RPL38: variants seen among roughly 807,000 people sequenced by gnomAD.
RPL38 encodes the protein large ribosomal subunit protein eL38.
RPL38 carries 2 observed loss-of-function variants against 12.8 expected under a neutral mutation model. The ratio of observed to expected loss-of-function variants is 0.16; its 90% CI spans 0.06 to 0.49. The LOEUF is 0.49. RPL38 is among the 20% of genes least tolerant of loss of function. The pLI is 0.96. For synonymous variants in RPL38, 42 were observed against 30.1 expected (o/e 1.39, Z -1.29); for missense variants, 52 against 79.8 (o/e 0.65, Z 1.33).
rs754460738 is a variant in RPL38, at chr17:74,204,153, G to A, written c.27G>A (p.Lys9=). The change falls in exon 3 of 5, where the codon AAG becomes AAA. Residue 9 remains lysine (K), a synonymous_variant. Coordinates refer to ENST00000311111, the MANE Select transcript of RPL38 (RefSeq NM_000999.4). ...AGCCTCGGAAAATTGAGGAAATCAA[G>A]GACTTCCTGCTCACAGCCCGACGAA... MPRKIEEI[K]DFLLTARRKD... The A allele has an allele frequency of 2.7e-5, 43 of 1,614,054 alleles. No homozygotes were observed. The East Asian group carries it at 9.1e-4, about 34-fold the overall frequency.
intron 3 of RPL38, among the ~76,000 whole-genome samples, chr17:74,208,670 T>C (rs1309933540): frequency 6.6e-6 from 1 of 152,198 alleles, no homozygotes; most frequent in Non-Finnish European, 1.5e-5. Context: ...GTGCGGTGGC[T>C]CATGCCTGGA....
At chr17:74,203,997 C>T (rs748412265) in intron 2 of RPL38, 39 bp downstream of exon 2, 2 of 1,612,966 alleles carry the variant, frequency 1.2e-6, no homozygotes, top group East Asian at 2.2e-5. Context: ...CCGGGGTGGG[C>T]TCGTGGGGCC....
chr17:74,207,321 G>A (rs1050066216), intron 3 of RPL38, among the ~76,000 whole-genome samples: 1 of 151,994 alleles, frequency 6.6e-6, no homozygotes, highest in African/African-American at 2.4e-5. Context: ...TTCTTTTGAA[G>A]GCCGAGTTTT....
At chr17:74,209,762 A>G (rs747010429) in intron 4 of RPL38, 42 bp from the exon 5 acceptor site, 7 of 1,590,666 alleles carry the variant, frequency 4.4e-6, no homozygotes, top group African/African-American at 2.7e-5. Flanking sequence ...AGCAACTCAG[A>G]TGTGTCTTCT....
chr17:74,206,064 G>A (rs79682457), intron 3 of RPL38: 78 of 152,296 alleles, frequency 5.1e-4, no homozygotes, highest in African/African-American at 1.7e-3. Flanking sequence ...GGCTTTAAAG[G>A]TAGTGGTCAC....
At chr17:74,208,403 C>T (rs116601184) in intron 3 of RPL38, among the ~76,000 whole-genome samples, 2,839 of 152,258 alleles carry the variant, frequency 0.019, 91 homozygotes, top group African/African-American at 0.064. Flanking sequence ...GAGCCATGAT[C>T]CTGAAATAGA....
Position 74,203,891 on chromosome 17 carries a change from G to A in RPL38, c.-38-27G>A, listed in dbSNP as rs537955131. On this transcript the variant is annotated intron_variant, in intron 1 of 4. Transcript: ENST00000311111. Reference sequence around the variant, plus strand: ...GGTTCGCTGCCAGCCCCCGCGCCGTGTTAACGCCGAGGACTGTTTCCCGCA... The same window carrying A: ...GGTTCGCTGCCAGCCCCCGCGCCGTATTAACGCCGAGGACTGTTTCCCGCA... The A allele has an allele frequency of 4.5e-6, 7 of 1,556,894 alleles. No individual in the cohort carries two copies. In the Admixed American group the frequency reaches 1.4e-4, roughly 30 times the overall value.
intron 3 of RPL38, chr17:74,205,270 G>A (rs541050586): frequency 6.6e-6 from 1 of 152,280 alleles, no homozygotes; most frequent in South Asian, 2.1e-4. Flanking sequence ...TACAAGCTAG[G>A]TCTTGAGTTA....
At chr17:74,209,378 A>G (rs1323607451) in intron 4 of RPL38, 69 bp downstream of exon 4, 37 of 1,565,986 alleles carry the variant, frequency 2.4e-5, no homozygotes, top group Non-Finnish European at 3.2e-5. Flanking sequence ...GCCATGTTGT[A>G]TCTTGTTTTG....
In RPL38 at chr17:74,204,123, G is replaced by T; in HGVS notation, c.4-7G>T. 1 of 1,614,174 alleles carries T rather than the reference G, an allele frequency of 6.2e-7. No individual in the cohort carries two copies. The highest frequency in any genetic ancestry group is 1.1e-5 in the South Asian group (1 of 91,090). On this transcript the variant is annotated splice_region_variant and splice_polypyrimidine_tract_variant and intron_variant, in intron 2 of 4. Coordinates refer to ENST00000311111, the MANE Select transcript of RPL38 (RefSeq NM_000999.4). ...CTCTCTGTTCACCCGCTTCCTTTGT[G>T]TTGCAGCCTCGGAAAATTGAGGAAA...
chr17:74,206,121 CTT>C (rs2050111257), intron 3 of RPL38: 1 of 152,296 alleles, frequency 6.6e-6, no homozygotes, highest in East Asian at 1.9e-4. Flanking sequence ...GTTGAAAAAA[CTT>C]TTTAAAATGG....
chr17:74,204,502 C>T (rs2050093190), intron 3 of RPL38: 4 of 404,254 alleles, frequency 9.9e-6, no homozygotes, highest in South Asian at 7.5e-5. Flanking sequence ...TCAAAACACA[C>T]GTCCCATAAA....
chr17:74,206,598 T>G (rs755671585), intron 3 of RPL38, among the ~76,000 whole-genome samples: 2 of 152,190 alleles, frequency 1.3e-5, no homozygotes, highest in Non-Finnish European at 2.9e-5. Flanking sequence ...ATGTGACTGC[T>G]CTGGATACCC....
intron 1 of RPL38, 37 bp from the exon 2 acceptor site, chr17:74,203,881 C>G: frequency 4.6e-6 from 7 of 1,525,490 alleles, no homozygotes; most frequent in Non-Finnish European, 6.2e-6. Flanking sequence ...GCTGCCAGCC[C>G]CCGCGCCGTG....
chr17:74,206,000 ACAGAGCGAGACTGTCTC>A (rs2050110114), intron 3 of RPL38: 1 of 152,190 alleles, frequency 6.6e-6, no homozygotes, highest in Admixed American at 6.5e-5. Context: ...AGCCTGGGTG[ACAGAGCGAGACTGTCTC>A]ACAAAAAAAA....
At chr17:74,205,109 G>A (rs1200763115) in intron 3 of RPL38, 2 of 152,228 alleles carry the variant, frequency 1.3e-5, no homozygotes, top group African/African-American at 4.8e-5. Flanking sequence ...GGGGAAAGAA[G>A]GTGATTAATG....
At position 74,210,453 on chromosome 17, in the gene RPL38, G is replaced by T. The variant is rs1460886047; in HGVS notation, c.*624G>T. On this transcript the variant is annotated 3_prime_UTR_variant, in exon 5 of 5. Transcript: ENST00000311111. The stretch of plus-strand genomic sequence containing the variant: ...TAGCACATCTACCACTCGCTAACTT[G>T]ACTGACTTGGAGAAATGACTACACT... The T allele has an allele frequency of 1.3e-5, 2 of 152,270 alleles. No homozygotes were observed. Among genetic ancestry groups the T allele is most frequent in the Non-Finnish European group, 2.9e-5 (2 of 68,094 alleles). The allele number at this position is 152,270 out of a possible 1,614,324, so 9.4% of individuals were successfully genotyped here. A position where few individuals can be genotyped will look rare whatever the true frequency, so the allele number is the denominator to read the frequency against.
chr17:74,204,932 GC>G (rs1404421364), intron 3 of RPL38: 1 of 152,130 alleles, frequency 6.6e-6, no homozygotes, highest in Non-Finnish European at 1.5e-5. Flanking sequence ...TGATCCACCT[GC>G]CTCCGCCTCC....
intron 3 of RPL38, among the ~76,000 whole-genome samples, chr17:74,206,708 CTTTTTTTTTTTTTT>C (rs35333460): frequency 2.0e-5 from 2 of 101,590 alleles, no homozygotes; most frequent in African/African-American, 7.8e-5. Context: ...TTTTTTCTTT[CTTTTTTTTTTTTTT>C]TTTTTTTTGA....
Sources: gnomAD v4.1 joint callset for allele counts (sites outside exome capture counted in the v4.1 genomes callset) on GRCh38, gnomAD v4.1.1 for gene constraint, MANE v1.5 for transcripts, NCBI Gene and HGNC (gene_info 2026-07-23, HGNC 2026-07-21) for gene names.